OSBPL6: variants seen among roughly 807,000 people sequenced by gnomAD.
OSBPL6 encodes oxysterol binding protein like 6.
OSBPL6 carries 49 observed loss-of-function variants against 125.8 expected under a neutral mutation model. The observed-to-expected ratio is 0.39, with a 90% confidence interval of 0.31 to 0.49. The LOEUF (loss-of-function observed/expected upper bound fraction) is 0.49, where lower values mean the gene tolerates loss of function less well. Ranked by LOEUF, OSBPL6 falls within the 20% of genes least tolerant of loss-of-function variation. The pLI is 0.88. For synonymous variants in OSBPL6, 394 were observed against 391.8 expected, an observed-to-expected ratio of 1.01 and a Z score of -0.07; for missense variants, 986 against 1,135.4, an observed-to-expected ratio of 0.87 and a Z score of 1.89.
intron 12 of OSBPL6, among the ~76,000 whole-genome samples, chr2:178,349,863 C>T (rs757857629): frequency 6.6e-6 from 1 of 152,188 alleles, no homozygotes; most frequent in Non-Finnish European, 1.5e-5. Flanking sequence ...CACTGGGATT[C>T]GGCTGCAGGC....
At chr2:178,232,713 GT>G (rs749697915) in intron 1 of OSBPL6, among the ~76,000 whole-genome samples, 138 of 147,048 alleles carry the variant, frequency 9.4e-4, no homozygotes, top group South Asian at 3.2e-3. Context: ...ATCACATGCT[GT>G]TTTTTTTTTT....
intron 3 of OSBPL6, among the ~76,000 whole-genome samples, chr2:178,310,965 C>T (rs1020779290): frequency 4.6e-5 from 7 of 152,178 alleles, no homozygotes; most frequent in Non-Finnish European, 2.9e-5. Flanking sequence ...GGTCTCCCTG[C>T]TTCTGTCCTT....
At chr2:178,385,261 AAGG>A (rs1411643191) in intron 18 of OSBPL6, among the ~76,000 whole-genome samples, 194 bp from the exon 19 acceptor site, 2 of 152,140 alleles carry the variant, frequency 1.3e-5, no homozygotes, top group Non-Finnish European at 2.9e-5. Flanking sequence ...GGAAGAAAGA[AAGG>A]AAGGAAGGAA....
intron 2 of OSBPL6, among the ~76,000 whole-genome samples, chr2:178,298,676 C>G (rs747029119): frequency 7.2e-5 from 11 of 151,728 alleles, no homozygotes; most frequent in Non-Finnish European, 1.5e-4. Flanking sequence ...AGCCACCATG[C>G]CCAGCCTATT....
In OSBPL6 at chr2:178,314,607, T is replaced by A. The variant is rs531519765; in HGVS notation, c.102+8321T>A. Among the ~76,000 whole-genome samples, 204 of 152,358 alleles carry A rather than the reference T, an allele frequency of 1.3e-3. 3 individuals are homozygous for A. In the South Asian group the frequency reaches 0.036, roughly 27 times the overall value. ...AGCTCAGACTGGGACCAATTTTTGT[T>A]ACTTGGATGCAAACTGGGTATTTTG... is the stretch of plus-strand genomic sequence containing the variant. On this transcript the variant is annotated intron_variant, in intron 3 of 24. Coordinates refer to ENST00000190611, the MANE Select transcript of OSBPL6 (RefSeq NM_032523.4).
In OSBPL6 at chr2:178,377,257, C is replaced by T. The variant is rs147312303; in HGVS notation, c.1533+3230C>T. Among the ~76,000 whole-genome samples, 1,024 of 152,314 alleles carry T rather than the reference C, an allele frequency of 6.7e-3. 8 individuals carry two copies. Among genetic ancestry groups the T allele is most frequent in the African/African-American group, 0.023 (956 of 41,562 alleles). Reference sequence around the variant, plus strand: ...GGCAGAAGGCCAAGGGGAAGCCAGCCCTCACATGACCAGAGCAGGAGCAAG... The same window carrying T: ...GGCAGAAGGCCAAGGGGAAGCCAGCTCTCACATGACCAGAGCAGGAGCAAG... On this transcript the variant is annotated intron_variant, in intron 15 of 24. Coordinates refer to ENST00000190611, the MANE Select transcript of OSBPL6 (RefSeq NM_032523.4).
chr2:178,295,466 G>A (rs1283500915), intron 2 of OSBPL6, among the ~76,000 whole-genome samples: 3 of 152,122 alleles, frequency 2.0e-5, no homozygotes, highest in African/African-American at 4.8e-5. Flanking sequence ...CCACTACAAC[G>A]GCAGTTTGAG....
chr2:178,235,289 G>A (rs973969856), intron 1 of OSBPL6, among the ~76,000 whole-genome samples: 1 of 150,242 alleles, frequency 6.7e-6, no homozygotes, highest in Non-Finnish European at 1.5e-5. Flanking sequence ...TGGGGTTAAT[G>A]GTTTTTTTGT....
At chr2:178,373,314 T>C (rs1296662448) in intron 14 of OSBPL6, among the ~76,000 whole-genome samples, 1 of 140,574 alleles carries the variant, frequency 7.1e-6, no homozygotes, top group Non-Finnish European at 1.5e-5. Context: ...CTAGAATATA[T>C]ATATACATTT....
chr2:178,201,598 C>T (rs2089263603), intron 1 of OSBPL6, among the ~76,000 whole-genome samples: 1 of 152,134 alleles, frequency 6.6e-6, no homozygotes, highest in South Asian at 2.1e-4. Context: ...TTAGTCTTTC[C>T]AGCATTACCC....
chr2:178,359,105 G>A (rs1692087934), intron 12 of OSBPL6, among the ~76,000 whole-genome samples: 1 of 152,164 alleles, frequency 6.6e-6, no homozygotes, highest in South Asian at 2.1e-4. Flanking sequence ...AAGCCCAGGA[G>A]TTAGAGGTTA....
chr2:178,384,142 G>T lies in OSBPL6; in HGVS notation c.1979G>T (p.Arg660Ile), dbSNP rs1694729773. 6.2e-7 allele frequency: 1 copy of T among 1,614,114 alleles called. No homozygotes were observed. The highest frequency in any genetic ancestry group is 1.3e-5 in the African/African-American group (1 of 75,044). ...PVLGETYECI[R>I]EDKGFRFFSE... ...CTTGGGGAGACTTATGAATGCATTA[G>T]AGAAGACAAGGGATTCCGCTTTTTC... Residue 660 changes from arginine to isoleucine, a missense_variant, in exon 18 of 25, where the codon AGA becomes ATA. Around this residue, in one of 3 missense-constraint regions of OSBPL6, gnomAD observed 843 missense variants for 997.3 expected, o/e 0.85. Coordinates refer to ENST00000190611, the MANE Select transcript of OSBPL6 (RefSeq NM_032523.4).
chr2:178,260,236 A>G (rs760195382), intron 1 of OSBPL6, among the ~76,000 whole-genome samples: 1 of 152,220 alleles, frequency 6.6e-6, no homozygotes, highest in Non-Finnish European at 1.5e-5. Context: ...TTAGAAGATC[A>G]TCATAACCAT....
At chr2:178,202,869 G>T (rs909939645) in intron 1 of OSBPL6, among the ~76,000 whole-genome samples, 1 of 151,440 alleles carries the variant, frequency 6.6e-6, no homozygotes, top group Non-Finnish European at 1.5e-5. Context: ...TATCATTGGT[G>T]TTGAGTAATT....
intron 12 of OSBPL6, among the ~76,000 whole-genome samples, chr2:178,360,542 A>T (rs963393613): frequency 6.6e-6 from 1 of 152,214 alleles, no homozygotes; most frequent in African/African-American, 2.4e-5. Flanking sequence ...TTATAACATC[A>T]TACTATATAC....
chr2:178,239,600 A>AT (rs1413220948), intron 1 of OSBPL6, among the ~76,000 whole-genome samples: 2 of 124,600 alleles, frequency 1.6e-5, no homozygotes, highest in East Asian at 2.0e-4. Context: ...TATTTTATTT[A>AT]TTTATTTATT....
At chr2:178,198,748 A>G (rs2089065463) in intron 1 of OSBPL6, among the ~76,000 whole-genome samples, 1 of 152,200 alleles carries the variant, frequency 6.6e-6, no homozygotes, top group African/African-American at 2.4e-5. Flanking sequence ...TGGACATACT[A>G]TTAGGGCTTA....
chr2:178,272,218 G>A (rs541800487), intron 1 of OSBPL6, among the ~76,000 whole-genome samples: 2 of 152,296 alleles, frequency 1.3e-5, no homozygotes, highest in East Asian at 3.9e-4. Context: ...TTACTGCCAA[G>A]TGCCATGTTA....
intron 1 of OSBPL6, among the ~76,000 whole-genome samples, chr2:178,264,336 C>T (rs1189712329): frequency 6.6e-6 from 1 of 152,064 alleles, no homozygotes; most frequent in African/African-American, 2.4e-5. Context: ...AATGTTAACT[C>T]CTGAAAATTG....
Sources: allele counts gnomAD v4.1 joint callset (sites outside exome capture counted in the v4.1 genomes callset), GRCh38; gene constraint gnomAD v4.1.1; regional missense constraint gnomAD v4.1.1; transcripts MANE v1.5; gene names NCBI Gene and HGNC (gene_info 2026-07-23, HGNC 2026-07-21).